C3orf49: variants seen among roughly 807,000 people sequenced by gnomAD.
C3orf49 encodes chromosome 3 open reading frame 49.
A neutral mutation model predicts 13.3 loss-of-function variants in C3orf49; 27 were observed. That is an observed-to-expected ratio of 2.02 (90% CI 1.49 to 2.79). The LOEUF is 2.79. C3orf49 is among the 30% of genes most tolerant of loss of function. The probability of loss-of-function intolerance (pLI) is 0.00; values close to 1 mark genes in which losing one functional copy is unlikely to be tolerated. For synonymous variants in C3orf49, 87 were observed against 47.6 expected, an observed-to-expected ratio of 1.83 and a Z score of -3.40; for missense variants, 242 against 134.2, an observed-to-expected ratio of 1.80 and a Z score of -3.97.
chr3:63,827,140 T>C (rs935373395), intron 2 of C3orf49: 2 of 153,286 alleles, frequency 1.3e-5, no homozygotes, highest in African/African-American at 2.4e-5. Context: ...TTTTAAAATG[T>C]TAAGGAATCC....
intron 2 of C3orf49, among the ~76,000 whole-genome samples, chr3:63,823,817 T>TGTGTGTGTG (rs1701432928): frequency 7.0e-6 from 1 of 143,774 alleles, no homozygotes; most frequent in Non-Finnish European, 1.5e-5. Flanking sequence ...TGTGTGTGTG[T>TGTGTGTGTG]TTAGATGGAA....
chr3:63,847,631 G>A (rs1232677615), intron 6 of C3orf49, among the ~76,000 whole-genome samples: 2 of 152,198 alleles, frequency 1.3e-5, no homozygotes, highest in African/African-American at 4.8e-5. Context: ...CAGCTACTCA[G>A]GAGGCTGAGG....
At chr3:63,813,178 C>T in the C3orf49 span, among the ~76,000 whole-genome samples, 2 of 152,194 alleles carry the variant, frequency 1.3e-5, no homozygotes, top group African/African-American at 4.8e-5. Flanking sequence ...CACTGGTAGA[C>T]ATATGGGTTG....
intron 4 of C3orf49, 72 bp from the exon 5 acceptor site, chr3:63,831,608 A>G: frequency 1.5e-6 from 1 of 668,254 alleles, no homozygotes; most frequent in Non-Finnish European, 2.7e-6. Flanking sequence ...TCTCAGGAAA[A>G]GCAACTATCC....
upstream of C3orf49, among the ~76,000 whole-genome samples, chr3:63,818,690 C>T (rs539116220): frequency 3.9e-5 from 6 of 152,098 alleles, no homozygotes; most frequent in Admixed American, 3.3e-4. Context: ...CAACTCAAAC[C>T]GCGAGAGGGT....
the C3orf49 span, among the ~76,000 whole-genome samples, chr3:63,809,333 C>G: frequency 6.6e-6 from 1 of 152,178 alleles, no homozygotes; most frequent in African/African-American, 2.4e-5. Flanking sequence ...CTTTTAACTA[C>G]AGAACTGTAA....
chr3:63,829,888 C>T (rs1379218019), intron 3 of C3orf49, among the ~76,000 whole-genome samples: 1 of 152,072 alleles, frequency 6.6e-6, no homozygotes, highest in Non-Finnish European at 1.5e-5. Context: ...TCACCGGAGC[C>T]CACAGAGGTC....
intron 5 of C3orf49, among the ~76,000 whole-genome samples, chr3:63,838,840 T>C (rs947677361): frequency 1.3e-4 from 20 of 152,186 alleles, no homozygotes; most frequent in Admixed American, 5.2e-4. Flanking sequence ...TTTCACTCTA[T>C]AAAATTATTT....
chr3:63,796,346 C>T, the C3orf49 span, among the ~76,000 whole-genome samples: 22 of 152,034 alleles, frequency 1.4e-4, no homozygotes, highest in African/African-American at 4.3e-4. Flanking sequence ...ATTCCCCTAC[C>T]AAAAATTTCC....
chr3:63,823,887 G>A (rs1701433991), intron 2 of C3orf49, among the ~76,000 whole-genome samples: 1 of 151,140 alleles, frequency 6.6e-6, no homozygotes, highest in African/African-American at 2.4e-5. Context: ...TGCAACCTCT[G>A]CCTTCCGGGT....
the C3orf49 span, among the ~76,000 whole-genome samples, chr3:63,799,112 G>T: frequency 1.3e-5 from 2 of 152,236 alleles, no homozygotes; most frequent in African/African-American, 4.8e-5. Flanking sequence ...GGCTGGAGCT[G>T]CTCAGTGCTG....
At chr3:63,796,281 G>A in the C3orf49 span, among the ~76,000 whole-genome samples, 16 of 152,138 alleles carry the variant, frequency 1.1e-4, no homozygotes, top group South Asian at 8.3e-4. Flanking sequence ...CCTCTTGACC[G>A]TCAACTTTTT....
intron 2 of C3orf49, among the ~76,000 whole-genome samples, chr3:63,823,856 A>G (rs1422215031): frequency 3.3e-5 from 5 of 151,462 alleles, no homozygotes; most frequent in African/African-American, 1.2e-4. Flanking sequence ...GCTGTAGTGC[A>G]GAGGCATGAT....
the C3orf49 span, among the ~76,000 whole-genome samples, chr3:63,787,648 C>T: frequency 6.6e-5 from 10 of 152,076 alleles, no homozygotes; most frequent in African/African-American, 1.9e-4. Context: ...GGAAAGCCAC[C>T]GAAATGAAAG....
At chr3:63,783,895 G>A in the C3orf49 span, among the ~76,000 whole-genome samples, 3,978 of 152,068 alleles carry the variant, frequency 0.026, 165 homozygotes, top group African/African-American at 0.089. Flanking sequence ...AAAGCAATGA[G>A]CCTTTCTAAC....
chr3:63,787,863 G>T, the C3orf49 span, among the ~76,000 whole-genome samples: 1 of 152,168 alleles, frequency 6.6e-6, no homozygotes, highest in African/African-American at 2.4e-5. Flanking sequence ...GATTACTGGG[G>T]AGAATGTGTG....
upstream of C3orf49, among the ~76,000 whole-genome samples, chr3:63,815,061 ACC>A (rs1559596540): frequency 6.6e-6 from 1 of 152,138 alleles, no homozygotes; most frequent in African/African-American, 2.4e-5. Context: ...CTTTTAAACA[ACC>A]AGATCTTGCA....
chr3:63,789,268 C>T, the C3orf49 span, among the ~76,000 whole-genome samples: 1 of 152,172 alleles, frequency 6.6e-6, no homozygotes, highest in African/African-American at 2.4e-5. Flanking sequence ...GGAACAGTTT[C>T]ATCCTAAAAC....
intron 3 of C3orf49, 65 bp from the exon 4 acceptor site, chr3:63,831,045 T>A: frequency 1.5e-6 from 1 of 670,060 alleles, no homozygotes; most frequent in Non-Finnish European, 2.7e-6. Context: ...AACTCTTGTT[T>A]AAGCACCATC....
Sources: gnomAD v4.1 joint callset for allele counts (sites outside exome capture counted in the v4.1 genomes callset) on GRCh38, gnomAD v4.1.1 for gene constraint, MANE v1.5 for transcripts, NCBI Gene and HGNC (gene_info 2026-07-23, HGNC 2026-07-21) for gene names.